PCDHA3: variants seen among roughly 807,000 people sequenced by gnomAD.
PCDHA3 encodes protocadherin alpha 3.
PCDHA3 carries 41 observed loss-of-function variants against 62.2 expected under a neutral mutation model. The ratio of observed to expected loss-of-function variants is 0.66; its 90% CI spans 0.51 to 0.86. PCDHA3 has a LOEUF of 0.86. Among genes scored for constraint, PCDHA3 ranks in the 40% least tolerant of loss-of-function variants. The pLI is 0.00. For synonymous variants in PCDHA3, 640 were observed against 555.4 expected, an observed-to-expected ratio of 1.15 and a Z score of -2.14; for missense variants, 1,304 against 1,241.2, an observed-to-expected ratio of 1.05 and a Z score of -0.76.
intron 1 of PCDHA3, chr5:140,871,260 G>T (rs761268820): frequency 1.4e-5 from 22 of 1,613,980 alleles, no homozygotes; most frequent in Admixed American, 8.3e-5. Context: ...TGTATACGGC[G>T]CTGTGGTGGT....
At chr5:140,928,958 C>T in intron 1 of PCDHA3, 1 of 1,613,930 alleles carries the variant, frequency 6.2e-7, no homozygotes, top group South Asian at 1.1e-5. Flanking sequence ...ATTGCCTTGG[C>T]TTGTATTTCC....
Position 140,803,314 on chromosome 5 carries a change from C to A in PCDHA3, c.2117C>A (p.Ala706Glu), listed in dbSNP as rs782516303. 1.9e-6 allele frequency: 3 copies of A among 1,614,140 alleles called. No homozygotes were observed. The South Asian group carries it at 3.3e-5, about 18-fold the overall frequency. The change falls in exon 1 of 4, where the codon GCG (alanine) becomes GAG (glutamate). Residue 706 changes from alanine (A) to glutamate (E), a missense_variant. Transcript: ENST00000522353. ...GTGTACTTGATCGTCGCCATCTGCG[C>A]GGTGTCCAGTCTGTTGGTGCTCACA... ...VNVYLIVAIC[A>E]VSSLLVLTLL...
chr5:140,860,407 G>C (rs2046379214), intron 1 of PCDHA3: 1 of 151,974 alleles, frequency 6.6e-6, no homozygotes, highest in African/African-American at 2.4e-5. Flanking sequence ...AAAAGCAATA[G>C]TAACACCATT....
At chr5:140,862,657 C>A (rs2047475881) in intron 1 of PCDHA3, 6 of 545,246 alleles carry the variant, frequency 1.1e-5, no homozygotes, top group Admixed American at 9.6e-5. Flanking sequence ...CGCGCGGGAC[C>A]GGGACGCGCA....
intron 1 of PCDHA3, among the ~76,000 whole-genome samples, chr5:140,832,378 A>G (rs1554133521): frequency 6.6e-6 from 1 of 152,196 alleles, no homozygotes; most frequent in Non-Finnish European, 1.5e-5. Context: ...CCATTCTTGA[A>G]ATGGCAGAAA....
chr5:141,000,412 TATATATATA>T (rs1297219533), intron 3 of PCDHA3, among the ~76,000 whole-genome samples: 3 of 102,772 alleles, frequency 2.9e-5, no homozygotes, highest in Admixed American at 1.2e-4. Flanking sequence ...TATATATATA[TATATATATA>T]TTTTTTTTTT....
chr5:140,917,313 T>C (rs1294382574), intron 1 of PCDHA3, among the ~76,000 whole-genome samples: 12 of 132,588 alleles, frequency 9.1e-5, no homozygotes, highest in African/African-American at 3.0e-4. Flanking sequence ...TACAATTTGG[T>C]GTTCATGTGG....
At chr5:140,876,647 A>T in intron 1 of PCDHA3, 1 of 1,614,178 alleles carries the variant, frequency 6.2e-7, no homozygotes, top group Non-Finnish European at 8.5e-7. Flanking sequence ...CTGACACCTC[A>T]TGTTCCCTTC....
intron 1 of PCDHA3, among the ~76,000 whole-genome samples, chr5:140,941,409 C>T (rs1284702446): frequency 2.7e-5 from 4 of 149,924 alleles, no homozygotes; most frequent in Admixed American, 1.3e-4. Flanking sequence ...CTCCGCCTCC[C>T]GGGTTCAAGC....
rs2150182340 is a variant in PCDHA3, at chr5:140,830,165, G to A, written c.2394+26574G>A. 43 of 1,613,446 alleles carry A rather than the reference G, an allele frequency of 2.7e-5. 1 individual carries two copies. The South Asian group carries it at 4.5e-4, about 17-fold the overall frequency. ...GGTGGGCGCCGCGGGCCCAGAGGCG[G>A]CGCTGGTGGATGTCAACGTGTACCT... On this transcript the variant is annotated intron_variant, in intron 1 of 3. Transcript: ENST00000522353.
chr5:140,823,232 A>G, intron 1 of PCDHA3: 1 of 1,613,580 alleles, frequency 6.2e-7, no homozygotes, highest in Admixed American at 1.7e-5. Context: ...GCGCAGGAGA[A>G]CGCCCTGGTG....
rs2150184888 is a variant in PCDHA3, at chr5:140,830,320, C to G, written c.2394+26729C>G. 31 of 1,613,872 alleles carry G rather than the reference C, an allele frequency of 1.9e-5. No homozygotes were observed. The African/African-American group carries it at 2.7e-4, about 14-fold the overall frequency. ...ACAAGCCCACGCTGGTGTGCTCCAGCGCAGTGGGGAGCTGGTCGTACTCGC... is the reference window on the plus strand; with the variant it reads ...ACAAGCCCACGCTGGTGTGCTCCAGGGCAGTGGGGAGCTGGTCGTACTCGC... On this transcript the variant is annotated intron_variant, in intron 1 of 3. Transcript: ENST00000522353.
chr5:140,887,781 T>C (rs2061576427), intron 1 of PCDHA3, among the ~76,000 whole-genome samples: 2 of 152,338 alleles, frequency 1.3e-5, no homozygotes, highest in African/African-American at 4.8e-5. Flanking sequence ...ACACAGGTCA[T>C]TGAAGCGTTC....
At chr5:140,977,589 G>A (rs567353301) in intron 1 of PCDHA3, among the ~76,000 whole-genome samples, 15 of 152,274 alleles carry the variant, frequency 9.9e-5, no homozygotes, top group Admixed American at 2.6e-4. Flanking sequence ...AGAGCAGTTA[G>A]CATGTGAGGA....
intron 1 of PCDHA3, chr5:140,876,444 T>A (rs1554168564): frequency 6.2e-7 from 1 of 1,613,996 alleles, no homozygotes; most frequent in Non-Finnish European, 8.5e-7. Context: ...ACGCCATTGA[T>A]AAAGGGATTC....
chr5:140,850,152 G>A (rs1433217072), intron 1 of PCDHA3: 1 of 1,595,430 alleles, frequency 6.3e-7, no homozygotes, highest in Non-Finnish European at 8.6e-7. Flanking sequence ...GACGCTGCAG[G>A]TGTTCGTGCT....
chr5:140,864,709 T>C (rs2048574243), intron 1 of PCDHA3: 1 of 152,268 alleles, frequency 6.6e-6, no homozygotes, highest in South Asian at 2.1e-4. Flanking sequence ...TGTTGAGCTC[T>C]TCTACTATTT....
chr5:140,960,628 T>C (rs1474502656), intron 1 of PCDHA3, among the ~76,000 whole-genome samples: 1 of 152,192 alleles, frequency 6.6e-6, no homozygotes, highest in Non-Finnish European at 1.5e-5. Context: ...TTTTGAAATA[T>C]ATTTTTAAAA....
Position 140,842,831 on chromosome 5 carries a change from C to T in PCDHA3, c.2394+39240C>T, listed in dbSNP as rs2150345753. On this transcript the variant is annotated intron_variant, in intron 1 of 3. Transcript: ENST00000522353. ...GGAGCGGCGGGTGGGCGAGCGCTCG[C>T]TGTCGAGCTACATTTCGGTGCACAC... The T allele has an allele frequency of 5.5e-5, 88 of 1,593,856 alleles. 9 individuals are homozygous for T. The highest frequency in any genetic ancestry group is 1.7e-4 in the Admixed American group (10 of 59,288).
Sources: allele counts gnomAD v4.1 joint callset (sites outside exome capture counted in the v4.1 genomes callset), GRCh38; gene constraint gnomAD v4.1.1; transcripts MANE v1.5; gene names NCBI Gene and HGNC (gene_info 2026-07-23, HGNC 2026-07-21).